Variants in CMIP observed in about 807,000 individuals in gnomAD.
The protein encoded by CMIP is c-Maf inducing protein.
A neutral mutation model predicts 97.3 loss-of-function variants in CMIP; 13 were observed. That is an observed-to-expected ratio of 0.13 (90% CI 0.09 to 0.21). The LOEUF is 0.21. Among genes scored for constraint, CMIP ranks in the 10% least tolerant of loss-of-function variants. The pLI, the probability that CMIP is intolerant of heterozygous loss-of-function variation, is 1.00. For missense variants in CMIP, 847 were observed against 1,024.9 expected, an observed-to-expected ratio of 0.83 and a Z score of 2.37; for synonymous variants, 538 against 436.3, an observed-to-expected ratio of 1.23 and a Z score of -2.91.
At chr16:81,653,736 C>T (rs908195804) in intron 4 of CMIP, among the ~76,000 whole-genome samples, 1 of 152,222 alleles carries the variant, frequency 6.6e-6, no homozygotes, top group African/African-American at 2.4e-5. Flanking sequence ...CCACAGCCTC[C>T]CAAGTAGCTG....
chr16:81,601,425 T>A (rs952283099), intron 1 of CMIP, among the ~76,000 whole-genome samples: 2 of 151,626 alleles, frequency 1.3e-5, no homozygotes, highest in African/African-American at 4.8e-5. Context: ...TCTGGGGGGG[T>A]CAGCTCACCC....
intron 3 of CMIP, among the ~76,000 whole-genome samples, chr16:81,623,824 T>C (rs2092023650): frequency 6.6e-6 from 1 of 152,212 alleles, no homozygotes; most frequent in South Asian, 2.1e-4. Flanking sequence ...ATGCCAGGGC[T>C]GGCTAGGTCA....
intron 10 of CMIP, among the ~76,000 whole-genome samples, chr16:81,685,103 C>A (rs994308858): frequency 5.3e-5 from 8 of 152,238 alleles, no homozygotes; most frequent in African/African-American, 1.9e-4. Flanking sequence ...TCACCTCCCC[C>A]ACAACCTCTG....
intron 1 of CMIP, among the ~76,000 whole-genome samples, chr16:81,481,880 C>CTTT (rs768919033): frequency 8.1e-5 from 11 of 136,600 alleles, no homozygotes; most frequent in African/African-American, 3.1e-4. Flanking sequence ...CCGCCTCCCT[C>CTTT]TTTTTTTTTT....
chr16:81,643,613 GA>G (rs1229657525), intron 3 of CMIP, among the ~76,000 whole-genome samples: 1 of 152,088 alleles, frequency 6.6e-6, no homozygotes, highest in Non-Finnish European at 1.5e-5. Context: ...AACATGGTGT[GA>G]AACCCCATCT....
intron 1 of CMIP, among the ~76,000 whole-genome samples, chr16:81,524,871 G>A (rs2090098893): frequency 6.8e-6 from 1 of 146,738 alleles, no homozygotes; most frequent in Non-Finnish European, 1.5e-5. Flanking sequence ...TTGGCTCACT[G>A]CAACCTCCAC....
At chr16:81,690,953 GA>G (rs1297249031) in intron 10 of CMIP, among the ~76,000 whole-genome samples, 4 of 151,280 alleles carry the variant, frequency 2.6e-5, no homozygotes, top group Admixed American at 6.6e-5. Context: ...TTTAGAAAAA[GA>G]AAAAAAAGGG....
At chr16:81,594,021 C>A (rs1389083601) in intron 1 of CMIP, among the ~76,000 whole-genome samples, 1 of 92,762 alleles carries the variant, frequency 1.1e-5, no homozygotes, top group Non-Finnish European at 2.2e-5. Context: ...CTTCCTCCCC[C>A]CCTTCTCCTC....
At position 81,660,951 on chromosome 16, in the gene CMIP, G is replaced by C; in HGVS notation, c.744+5G>C. On this transcript the variant is annotated splice_donor_5th_base_variant and intron_variant, in intron 6 of 20. Coordinates refer to ENST00000537098, the MANE Select transcript of CMIP (RefSeq NM_198390.3). ...CTCTGTGAATTCTTTTGCAAGGTAC[G>C]GGATTGCTGAGCTGGGGCTGTGGCT... The C allele has an allele frequency of 6.2e-7, 1 of 1,613,976 alleles. No individual in the cohort carries two copies. The highest frequency in any genetic ancestry group is 8.5e-7 in the Non-Finnish European group (1 of 1,179,888).
intron 1 of CMIP, among the ~76,000 whole-genome samples, chr16:81,461,706 T>C (rs1399373449): frequency 1.3e-5 from 2 of 152,228 alleles, no homozygotes; most frequent in African/African-American, 4.8e-5. Flanking sequence ...AAGTGTGGTA[T>C]AGAGGAAAGC....
intron 1 of CMIP, among the ~76,000 whole-genome samples, chr16:81,558,243 C>T (rs1012414067): frequency 6.6e-6 from 1 of 152,142 alleles, no homozygotes; most frequent in African/African-American, 2.4e-5. Context: ...GATAGTGCTG[C>T]GGTGAATGCA....
At chr16:81,570,780 A>T (rs147440673) in intron 1 of CMIP, among the ~76,000 whole-genome samples, 88 of 152,108 alleles carry the variant, frequency 5.8e-4, no homozygotes, top group African/African-American at 1.7e-3. Flanking sequence ...TCTGTTCCCA[A>T]TCCAAGCCTT....
intron 1 of CMIP, among the ~76,000 whole-genome samples, chr16:81,502,400 G>A (rs1390790656): frequency 6.6e-6 from 1 of 152,222 alleles, no homozygotes; most frequent in African/African-American, 2.4e-5. Flanking sequence ...GGGACATGGT[G>A]GCACTGCCTC....
chr16:81,626,528 GT>G (rs1035289067), intron 3 of CMIP, among the ~76,000 whole-genome samples: 1 of 149,942 alleles, frequency 6.7e-6, no homozygotes, highest in African/African-American at 2.5e-5. Context: ...TGTGTGGTGT[GT>G]GGGGTGACTA....
intron 10 of CMIP, among the ~76,000 whole-genome samples, chr16:81,682,715 G>A (rs1231098566): frequency 6.6e-6 from 1 of 152,348 alleles, no homozygotes; most frequent in Middle Eastern, 3.4e-3. Context: ...AGTGTTTCCC[G>A]CTCCACTGCC....
At chr16:81,510,751 G>A (rs1232433248) in intron 1 of CMIP, among the ~76,000 whole-genome samples, 1 of 151,892 alleles carries the variant, frequency 6.6e-6, no homozygotes, top group African/African-American at 2.4e-5. Flanking sequence ...ATAGAGTCTT[G>A]TTCTGTCGCC....
At chr16:81,447,355 C>T (rs1321437028) in intron 1 of CMIP, among the ~76,000 whole-genome samples, 2 of 152,008 alleles carry the variant, frequency 1.3e-5, no homozygotes, top group African/African-American at 4.8e-5. Flanking sequence ...CCCCTTCTCC[C>T]TCTGGGAGAA....
At chr16:81,473,094 C>T (rs1361250543) in intron 1 of CMIP, among the ~76,000 whole-genome samples, 2 of 152,236 alleles carry the variant, frequency 1.3e-5, no homozygotes, top group African/African-American at 4.8e-5. Context: ...AGCCACACCA[C>T]CAGCCTGCCT....
chr16:81,496,016 G>C (rs1271661689), intron 1 of CMIP, among the ~76,000 whole-genome samples: 1 of 152,224 alleles, frequency 6.6e-6, no homozygotes, highest in African/African-American at 2.4e-5. Context: ...GCAGGGCGTT[G>C]TTCCAGGGAA....
Sources: gnomAD v4.1 joint callset for allele counts (sites outside exome capture counted in the v4.1 genomes callset) on GRCh38, gnomAD v4.1.1 for gene constraint, MANE v1.5 for transcripts, NCBI Gene and HGNC (gene_info 2026-07-23, HGNC 2026-07-21) for gene names.